The following LRRCC1 variants were observed in gnomAD, a reference collection of about 807,000 sequenced individuals.
LRRCC1 encodes the protein leucine-rich repeat and coiled-coil domain-containing protein 1.
LRRCC1 carries 115 observed loss-of-function variants against 126.0 expected under a neutral mutation model. The observed-to-expected ratio is 0.91, with a 90% confidence interval of 0.78 to 1.07. The LOEUF is 1.07. Among genes scored for constraint, LRRCC1 ranks in the 50% least tolerant of loss-of-function variants. The pLI is 0.00. For missense variants in LRRCC1, 1,172 were observed against 1,175.7 expected (o/e 1.00, Z 0.05); for synonymous variants, 400 against 393.4 (o/e 1.02, Z -0.20).
intron 18 of LRRCC1, among the ~76,000 whole-genome samples, chr8:85,144,983 G>T (rs887532759): frequency 8.0e-5 from 12 of 150,520 alleles, no homozygotes; most frequent in African/African-American, 2.9e-4. Flanking sequence ...GGGAGGCTGA[G>T]GCAGGAGAAT....
rs1413853830 is a variant in LRRCC1 at position 85,138,321 on chromosome 8, ATTAC to A, written c.2703-14_2703-11del. On this transcript the variant is annotated splice_polypyrimidine_tract_variant and intron_variant, in intron 16 of 18. Transcript: ENST00000360375. ...TTAATAAACCCAATTTATTTTTCAA[ATTAC>A]TTCTCATATTAGTACACTGAATCGG... 1 of 1,587,550 alleles carries A rather than the reference ATTAC, an allele frequency of 6.3e-7. No individual in the cohort carries two copies. The highest frequency in any genetic ancestry group is 8.5e-7 in the Non-Finnish European group (1 of 1,171,312).
chr8:85,142,895 T>C (rs1345620014), intron 18 of LRRCC1, among the ~76,000 whole-genome samples: 1 of 151,728 alleles, frequency 6.6e-6, no homozygotes, highest in African/African-American at 2.4e-5. Context: ...TAAATGACAT[T>C]ATCCTCAGGA....
At chr8:85,141,066 A>G (rs1054049402) in intron 17 of LRRCC1, among the ~76,000 whole-genome samples, 5 of 152,130 alleles carry the variant, frequency 3.3e-5, no homozygotes, top group Admixed American at 3.3e-4. Context: ...ACCCTGTCTC[A>G]AAAATAAAAT....
At chr8:85,137,823 C>G (rs978842758) in intron 15 of LRRCC1, among the ~76,000 whole-genome samples, 196 bp downstream of exon 15, 5 of 152,024 alleles carry the variant, frequency 3.3e-5, no homozygotes, top group Non-Finnish European at 7.4e-5. Flanking sequence ...TTGGAATGAA[C>G]TTTATACTTC....
chr8:85,120,947 T>A (rs1809505533), intron 6 of LRRCC1, among the ~76,000 whole-genome samples: 1 of 152,262 alleles, frequency 6.6e-6, no homozygotes, highest in Non-Finnish European at 1.5e-5. Flanking sequence ...TAGATTTTCA[T>A]TTCTCTTGGC....
At chr8:85,126,372 C>T (rs1026563599) in intron 8 of LRRCC1, among the ~76,000 whole-genome samples, 2 of 151,944 alleles carry the variant, frequency 1.3e-5, no homozygotes, top group Non-Finnish European at 2.9e-5. Context: ...GCCTGGCCAA[C>T]GTGGTGAAAC....
chr8:85,126,214 T>C (rs1809982334), intron 8 of LRRCC1, among the ~76,000 whole-genome samples: 1 of 152,192 alleles, frequency 6.6e-6, no homozygotes, highest in Non-Finnish European at 1.5e-5. Context: ...TGATTGGTTA[T>C]TATGTAGCAG....
At chr8:85,125,125 A>AT (rs1446952271) in intron 8 of LRRCC1, among the ~76,000 whole-genome samples, 186 bp downstream of exon 8, 1 of 152,106 alleles carries the variant, frequency 6.6e-6, no homozygotes, top group Non-Finnish European at 1.5e-5. Flanking sequence ...TGAAAATTAC[A>AT]TTTTTTTATG....
intron 18 of LRRCC1, among the ~76,000 whole-genome samples, chr8:85,142,844 A>AG (rs1457196273): frequency 2.5e-5 from 2 of 80,136 alleles, no homozygotes; most frequent in African/African-American, 4.8e-5. Flanking sequence ...AAAAAAAAAA[A>AG]AAAGAAAAGA....
In LRRCC1 at chr8:85,107,254, C is replaced by G; in HGVS notation, c.-42C>G. 1 of 1,567,624 alleles carries G rather than the reference C, an allele frequency of 6.4e-7. No homozygotes were observed. Among genetic ancestry groups the G allele is most frequent in the Non-Finnish European group, 8.7e-7 (1 of 1,155,168 alleles). On this transcript the variant is annotated 5_prime_UTR_variant, in exon 1 of 19. Coordinates refer to ENST00000360375, the MANE Select transcript of LRRCC1 (RefSeq NM_033402.5). ...GCTTGTCCCAAGCTCACGGACCCCT[C>G]GCTGGGTGCCGGTTAAGACCCCGCT...
In LRRCC1 at chr8:85,129,907, T is replaced by C; in HGVS notation, c.1627-12T>C. 6.6e-7 allele frequency: 1 copy of C among 1,508,828 alleles called. No individual in the cohort carries two copies. 93.5% of individuals were successfully genotyped at this position (1,508,828 alleles called of 1,614,324 possible). A position where few individuals can be genotyped will look rare whatever the true frequency, so the allele number is the denominator to read the frequency against. On this transcript the variant is annotated splice_polypyrimidine_tract_variant and intron_variant, in intron 10 of 18. Transcript: ENST00000360375. Reference sequence around the variant, plus strand: ...ATTATCTAAATAATGTAATTGTGGGTATTTTACTCAGATAAGACTGATCCA... The same window carrying C: ...ATTATCTAAATAATGTAATTGTGGGCATTTTACTCAGATAAGACTGATCCA...
Position 85,115,213 on chromosome 8 carries a change from C to G in LRRCC1, c.658C>G (p.Leu220Val), listed in dbSNP as rs1359200477. Reference protein sequence around the residue: ...TEINSSQLQCLEGLLDNLVSS... With the variant: ...TEINSSQLQCVEGLLDNLVSS... ...AATAAATTCATCACAGCTGCAGTGC[C>G]TAGAAGGTCTTTTGGATAATTTAGT... The change falls in exon 5 of 19, where the codon CTA becomes GTA. Residue 220 changes from leucine (L) to valine (V), a missense_variant. Transcript: ENST00000360375. 1 of 1,612,534 alleles carries G rather than the reference C, an allele frequency of 6.2e-7. No homozygotes were observed. The highest frequency in any genetic ancestry group is 8.5e-7 in the Non-Finnish European group (1 of 1,179,094).
Position 85,122,796 on chromosome 8 carries a change from G to A in LRRCC1, c.931-617G>A, listed in dbSNP as rs113810301. ...TTTTGAAGTACGTCCTGGACATTGT[G>A]AATGTTTCGTTGTAGATACTCTAGA... On this transcript the variant is annotated intron_variant, in intron 6 of 18. Coordinates refer to ENST00000360375, the MANE Select transcript of LRRCC1 (RefSeq NM_033402.5). Among the ~76,000 whole-genome samples, 1,216 of 152,274 alleles carry A rather than the reference G, an allele frequency of 8.0e-3. 22 individuals carry two copies. The highest frequency in any genetic ancestry group is 0.028 in the African/African-American group (1,162 of 41,544).
At chr8:85,121,764 T>C (rs1481040342) in intron 6 of LRRCC1, among the ~76,000 whole-genome samples, 2 of 152,192 alleles carry the variant, frequency 1.3e-5, no homozygotes, top group African/African-American at 4.8e-5. Flanking sequence ...ATTCTCTAGG[T>C]TTTGTTTTGG....
rs1220064576 is a variant in LRRCC1 at position 85,134,843 on chromosome 8, A to G, written c.1969-4A>G. On this transcript the variant is annotated splice_region_variant and splice_polypyrimidine_tract_variant and intron_variant, in intron 12 of 18. Transcript: ENST00000360375. ...GCTATTTATAATACAATTTTGGAAT[A>G]TAGGTTAAAGATGGTTTTGAAAATG... 5.8e-6 allele frequency: 9 copies of G among 1,554,544 alleles called. No individual in the cohort carries two copies. Among genetic ancestry groups the G allele is most frequent in the African/African-American group, 1.4e-5 (1 of 70,962 alleles).
chr8:85,126,512 C>G (rs1810010834), intron 8 of LRRCC1, among the ~76,000 whole-genome samples, 177 bp from the exon 9 acceptor site: 1 of 152,124 alleles, frequency 6.6e-6, no homozygotes, highest in South Asian at 2.1e-4. Context: ...GAGCTGAGAT[C>G]ATGCCACTCC....
At chr8:85,122,190 G>A (rs1809612822) in intron 6 of LRRCC1, among the ~76,000 whole-genome samples, 1 of 152,078 alleles carries the variant, frequency 6.6e-6, no homozygotes, top group African/African-American at 2.4e-5. Context: ...TCAAGAATTT[G>A]TCTCTCTTTG....
At position 85,137,449 on chromosome 8, in the gene LRRCC1, A is replaced by AT. The variant is rs752555659; in HGVS notation, c.2330-10dup. Reference sequence around the variant, plus strand: ...GGTGTTTCAAAGTATGTAATTGATGATTTTTGTTTCTTAGGATCTTCTCTA... The same window carrying AT: ...GGTGTTTCAAAGTATGTAATTGATGATTTTTTGTTTCTTAGGATCTTCTCTA... On this transcript the variant is annotated splice_polypyrimidine_tract_variant and intron_variant, in intron 14 of 18. Coordinates refer to ENST00000360375, the MANE Select transcript of LRRCC1 (RefSeq NM_033402.5). 4.6e-6 allele frequency: 7 copies of AT among 1,535,242 alleles called. No homozygotes were observed. In the African/African-American group the frequency reaches 7.1e-5, roughly 16 times the overall value.
Position 85,124,895 on chromosome 8 carries a change from ATAAT to A in LRRCC1, c.1232_1235del (p.Ile411LysfsTer2). 4 of 1,609,048 alleles carry A rather than the reference ATAAT, an allele frequency of 2.5e-6. No homozygotes were observed. The highest frequency in any genetic ancestry group is 3.4e-6 in the Non-Finnish European group (4 of 1,177,528). ...AGAATCAGAAAAGCCAAAGACTGAA[ATAAT>A]TAAAGTAGACCAAAGTCACTCAGAA... On this transcript the variant is annotated frameshift_variant, in exon 8 of 19. Coordinates refer to ENST00000360375, the MANE Select transcript of LRRCC1 (RefSeq NM_033402.5). LOFTEE classifies it high-confidence loss of function.
Sources: allele counts gnomAD v4.1 joint callset (sites outside exome capture counted in the v4.1 genomes callset), GRCh38; gene constraint gnomAD v4.1.1; transcripts MANE v1.5; gene names NCBI Gene and HGNC (gene_info 2026-07-23, HGNC 2026-07-21).